ZNF791: variants seen among roughly 807,000 people sequenced by gnomAD.
ZNF791 encodes zinc finger protein 791.
In ZNF791, 4 loss-of-function variants were observed where a neutral mutation model predicts 11.5. The ratio of observed to expected loss-of-function variants is 0.35; its 90% CI spans 0.17 to 0.80. The LOEUF is 0.80. ZNF791 is among the 30% of genes least tolerant of loss of function. The pLI, the probability that ZNF791 is intolerant of heterozygous loss-of-function variation, is 0.53. For synonymous variants in ZNF791, 212 were observed against 228.1 expected, an observed-to-expected ratio of 0.93 and a Z score of 0.64; for missense variants, 559 against 699.4, an observed-to-expected ratio of 0.80 and a Z score of 2.26.
chr19:12,632,453 T>C lies in ZNF791; in HGVS notation c.*3193T>C. On this transcript the variant is annotated 3_prime_UTR_variant, in exon 4 of 4. Coordinates refer to ENST00000343325, the MANE Select transcript of ZNF791 (RefSeq NM_153358.3). ...AAGGTGGTGCATATATTACCCATTA[T>C]ATATTTATTTCACCTTTTCCGAAAA... 1 of 152,118 alleles carries C rather than the reference T, an allele frequency of 6.6e-6. No homozygotes were observed. The highest frequency in any genetic ancestry group is 1.5e-5 in the Non-Finnish European group (1 of 68,024). 9.4% of individuals were successfully genotyped at this position (152,118 alleles called of 1,614,324 possible). A position where few individuals can be genotyped will look rare whatever the true frequency, so the allele number is the denominator to read the frequency against.
At chr19:12,613,067 C>G (rs559536259) in intron 1 of ZNF791, among the ~76,000 whole-genome samples, 2 of 152,116 alleles carry the variant, frequency 1.3e-5, no homozygotes, top group African/African-American at 4.8e-5. Context: ...CAGCCATTCT[C>G]CTGCCTTAGC....
Position 12,629,105 on chromosome 19 carries a change from T to C in ZNF791, c.1576T>C (p.Cys526Arg). Reference protein sequence around the residue: ...RMHTGEKPYKCKECGKAFSLH... With the variant: ...RMHTGEKPYKRKECGKAFSLH... ...GCATACTGGAGAGAAACCCTATAAA[T>C]GTAAAGAATGTGGGAAGGCCTTTAG... The change falls in exon 4 of 4, where the codon TGT (cysteine) becomes CGT (arginine). Residue 526 changes from cysteine (C) to arginine (R), a missense_variant. By Grantham distance (180) the Cys-to-Arg change is radical (BLOSUM62 -3). Coordinates refer to ENST00000343325, the MANE Select transcript of ZNF791 (RefSeq NM_153358.3). 1 of 1,605,470 alleles carries C rather than the reference T, an allele frequency of 6.2e-7. No individual in the cohort carries two copies. The highest frequency in any genetic ancestry group is 8.5e-7 in the Non-Finnish European group (1 of 1,176,624).
chr19:12,614,892 C>CGTTTT (rs1191586602), intron 1 of ZNF791, among the ~76,000 whole-genome samples: 17 of 17,548 alleles, frequency 9.7e-4, no homozygotes, highest in Admixed American at 2.4e-3. Flanking sequence ...TGCGTCCGGC[C>CGTTTT]TTTTTTTTTT....
intron 1 of ZNF791, among the ~76,000 whole-genome samples, chr19:12,618,845 GTGTGTATT>G (rs771998333): frequency 2.1e-5 from 2 of 93,958 alleles, no homozygotes; most frequent in African/African-American, 4.0e-5. Flanking sequence ...GTGTGTGTGT[GTGTGTATT>G]TATTTATTTT....
At chr19:12,623,635 T>C (rs949677657) in intron 1 of ZNF791, 65 bp from the exon 2 acceptor site, 12 of 1,599,874 alleles carry the variant, frequency 7.5e-6, no homozygotes, top group Non-Finnish European at 1.0e-5. Flanking sequence ...GAATTTCTTA[T>C]GAATTGAGGA....
chr19:12,622,549 C>G (rs1045723820), intron 1 of ZNF791, among the ~76,000 whole-genome samples: 1 of 151,588 alleles, frequency 6.6e-6, no homozygotes, highest in African/African-American at 2.4e-5. Flanking sequence ...TTTGGGAGGC[C>G]GGGGCAGGAG....
Position 12,628,633 on chromosome 19 carries a change from C to A in ZNF791, c.1104C>A (p.Ile368=). 6.2e-7 allele frequency: 1 copy of A among 1,605,456 alleles called. No homozygotes were observed. Among genetic ancestry groups the A allele is most frequent in the Non-Finnish European group, 8.5e-7 (1 of 1,176,428 alleles). Residue 368 remains isoleucine, a synonymous_variant, in exon 4 of 4, where the codon ATC becomes ATA. Transcript: ENST00000343325. Reference sequence around the variant, plus strand: ...AATGTGGGAAAGCCTTTAGTAGAATCAGTTACTTTCGAATACATGAAAGGA... The same window carrying A: ...AATGTGGGAAAGCCTTTAGTAGAATAAGTTACTTTCGAATACATGAAAGGA... ...CKECGKAFSR[I]SYFRIHERTH... is the part of the protein sequence containing the mutation.
In ZNF791 at chr19:12,628,942, A is replaced by G. The variant is rs2023465683; in HGVS notation, c.1413A>G (p.Lys471=). Residue 471 remains lysine, a synonymous_variant, in exon 4 of 4, where the codon AAA becomes AAG. Coordinates refer to ENST00000343325, the MANE Select transcript of ZNF791 (RefSeq NM_153358.3). ...CTGGAGAGAAACCCTATGAATGTAA[A>G]CAATGTGGAAAAGCCTTTAGTTGTT... ...THTGEKPYEC[K]QCGKAFSCSS... 1 of 1,613,804 alleles carries G rather than the reference A, an allele frequency of 6.2e-7. No individual in the cohort carries two copies. The highest frequency in any genetic ancestry group is 8.5e-7 in the Non-Finnish European group (1 of 1,179,960).
intron 1 of ZNF791, among the ~76,000 whole-genome samples, chr19:12,620,751 G>A (rs368356637): frequency 5.6e-5 from 4 of 71,606 alleles, no homozygotes; most frequent in Admixed American, 2.7e-4. Flanking sequence ...GGGGATTTAT[G>A]TTCTTTTTTT....
At position 12,630,155 on chromosome 19, in the gene ZNF791, C is replaced by CA. The variant is rs761895024; in HGVS notation, c.*913dup. 663 of 118,338 alleles carry CA rather than the reference C, an allele frequency of 5.6e-3. 3 individuals are homozygous for CA. The highest frequency in any genetic ancestry group is 9.6e-3 in the African/African-American group (305 of 31,858). 7.3% of individuals were successfully genotyped at this position (118,338 alleles called of 1,614,324 possible). A position where few individuals can be genotyped will look rare whatever the true frequency, so the allele number is the denominator to read the frequency against. On this transcript the variant is annotated 3_prime_UTR_variant, in exon 4 of 4. Coordinates refer to ENST00000343325, the MANE Select transcript of ZNF791 (RefSeq NM_153358.3). ...AGCATGGGTGACAGTGAGACTGTAT[C>CA]AAAAAAAAAAAAAAAAAATTGGCTG...
chr19:12,619,080 G>T (rs556277137), intron 1 of ZNF791, among the ~76,000 whole-genome samples: 1 of 151,888 alleles, frequency 6.6e-6, no homozygotes, highest in Admixed American at 6.6e-5. Flanking sequence ...TCTCGACCTC[G>T]TGATCCACCC....
intron 1 of ZNF791, among the ~76,000 whole-genome samples, chr19:12,621,037 A>G (rs181385433): frequency 2.1e-4 from 32 of 152,206 alleles, no homozygotes; most frequent in Non-Finnish European, 4.1e-4. Flanking sequence ...CTGGGATTAC[A>G]GGCATGAGCC....
chr19:12,619,365 TAAAAA>T (rs947611047), intron 1 of ZNF791, among the ~76,000 whole-genome samples: 2 of 151,888 alleles, frequency 1.3e-5, no homozygotes, highest in African/African-American at 4.8e-5. Context: ...TTTACAAACT[TAAAAA>T]AAGTGGTGGA....
intron 1 of ZNF791, among the ~76,000 whole-genome samples, chr19:12,617,486 C>A (rs1216399974): frequency 6.6e-6 from 1 of 151,968 alleles, no homozygotes; most frequent in Non-Finnish European, 1.5e-5. Flanking sequence ...GTTTTATTTC[C>A]AAATATTTGA....
At chr19:12,611,822 A>G (rs886906690) in intron 1 of ZNF791, among the ~76,000 whole-genome samples, 1 of 152,170 alleles carries the variant, frequency 6.6e-6, no homozygotes, top group East Asian at 1.9e-4. Context: ...TGGGTAATCT[A>G]TCTTTTCAGC....
intron 1 of ZNF791, among the ~76,000 whole-genome samples, chr19:12,620,754 CTTTTTTTT>C (rs1051381342): frequency 6.0e-5 from 5 of 83,446 alleles, no homozygotes; most frequent in Non-Finnish European, 1.1e-4. Context: ...GATTTATGTT[CTTTTTTTT>C]TTTTTTTTTT....
chr19:12,614,617 G>A (rs1599319821), intron 1 of ZNF791, among the ~76,000 whole-genome samples: 1 of 140,156 alleles, frequency 7.1e-6, no homozygotes. Flanking sequence ...TTTTGGAAAC[G>A]GAGTTTTGCT....
chr19:12,626,734 A>C (rs1158089089), intron 3 of ZNF791, among the ~76,000 whole-genome samples: 1 of 151,724 alleles, frequency 6.6e-6, no homozygotes, highest in African/African-American at 2.4e-5. Context: ...CCTCCCGAGT[A>C]GCTGGGACTA....
At chr19:12,615,638 G>C (rs1297944725) in intron 1 of ZNF791, among the ~76,000 whole-genome samples, 1 of 151,946 alleles carries the variant, frequency 6.6e-6, no homozygotes, top group Non-Finnish European at 1.5e-5. Flanking sequence ...AATTAGCTGG[G>C]TGTGGTGGCG....
Sources: allele counts gnomAD v4.1 joint callset (sites outside exome capture counted in the v4.1 genomes callset), GRCh38; gene constraint gnomAD v4.1.1; transcripts MANE v1.5; gene names NCBI Gene and HGNC (gene_info 2026-07-23, HGNC 2026-07-21).